NECAB2: variants seen among roughly 807,000 people sequenced by gnomAD.
NECAB2 encodes the protein N-terminal EF-hand calcium binding protein 2.
NECAB2 carries 68 observed loss-of-function variants against 51.9 expected under a neutral mutation model. That is an observed-to-expected ratio of 1.31 (90% CI 1.08 to 1.60). NECAB2 has a LOEUF of 1.60. Ranked by LOEUF, NECAB2 falls within the 40% of genes most tolerant of loss-of-function variation. The pLI, the probability that NECAB2 is intolerant of heterozygous loss-of-function variation, is 0.00. For missense variants in NECAB2, 854 were observed against 490.3 expected (o/e 1.74, Z -7.00); for synonymous variants, 329 against 203.5 (o/e 1.62, Z -5.25).
rs769400099 is a variant in NECAB2 at position 84,000,760 on chromosome 16, T to TGTCA, written c.1000_1003dup (p.Ile335SerfsTer4). The TGTCA allele has an allele frequency of 6.2e-7, 1 of 1,613,726 alleles. No homozygotes were observed. Among genetic ancestry groups the TGTCA allele is most frequent in the Non-Finnish European group, 8.5e-7 (1 of 1,179,984 alleles). Reference sequence around the variant, plus strand: ...TGAGGCTCTCAGATGGCTTCACCTTTGTCATCTATGAGTTCTGGGAGACAG... The same window carrying TGTCA: ...TGAGGCTCTCAGATGGCTTCACCTTTGTCAGTCATCTATGAGTTCTGGGAGACAG... On this transcript the variant is annotated frameshift_variant, in exon 11 of 13. Coordinates refer to ENST00000305202, the MANE Select transcript of NECAB2 (RefSeq NM_019065.3). LOFTEE classifies it high-confidence loss of function.
intron 2 of NECAB2, among the ~76,000 whole-genome samples, 198 bp from the exon 3 acceptor site, chr16:83,978,246 A>G (rs969519475): frequency 1.3e-5 from 2 of 152,138 alleles, no homozygotes; most frequent in South Asian, 4.1e-4. Flanking sequence ...TAGTGTGGGA[A>G]TTAGCTGGGT....
In NECAB2 at chr16:83,983,598, T is replaced by C. The variant is rs990604527; in HGVS notation, c.459+2471T>C. Among the ~76,000 whole-genome samples the C allele has an allele frequency of 3.9e-5, 6 of 152,234 alleles. No homozygotes were observed. The South Asian group carries it at 1.0e-3, about 26-fold the overall frequency. On this transcript the variant is annotated intron_variant, in intron 5 of 12. Coordinates refer to ENST00000305202, the MANE Select transcript of NECAB2 (RefSeq NM_019065.3). ...TTTTTAAATGATCATATGATTTTTTTCCCCTAAGCTATTGATGGGGTGGAT... is the reference window on the plus strand; with the variant it reads ...TTTTTAAATGATCATATGATTTTTTCCCCCTAAGCTATTGATGGGGTGGAT...
At chr16:83,990,459 C>T (rs770932573) in intron 5 of NECAB2, 35 bp from the exon 6 acceptor site, 1 of 1,610,444 alleles carries the variant, frequency 6.2e-7, no homozygotes, top group Admixed American at 1.7e-5. Context: ...CCTCCCACCC[C>T]TTTCCCCTCA....
chr16:83,997,179 T>C (rs2084716542), intron 8 of NECAB2, 37 bp from the exon 9 acceptor site: 2 of 1,613,650 alleles, frequency 1.2e-6, no homozygotes, highest in Admixed American at 1.7e-5. Context: ...GGAGTGGGGC[T>C]CTGGGTCTAG....
At position 83,978,331 on chromosome 16, in the gene NECAB2, G is replaced by T. The variant is rs564989137; in HGVS notation, c.227-113G>T. ...TGGGAGGGTAGGGATTATCTGAGCT[G>T]CAGTTGTTCTGTCAGTCAGGCCATT... On this transcript the variant is annotated intron_variant, in intron 2 of 12. Transcript: ENST00000305202. 37 of 761,454 alleles carry T rather than the reference G, an allele frequency of 4.9e-5. 1 individual carries two copies. In the African/African-American group the frequency reaches 6.0e-4, roughly 12 times the overall value. The allele number at this position is 761,454 out of a possible 1,614,324, so 47.2% of individuals were successfully genotyped here.
In NECAB2 at chr16:83,971,659, C is replaced by T. The variant is rs117512356; in HGVS notation, c.202-492C>T. ...ACCCCAAAATTAACGCAGTCCTGCCCGTGGCTGGCATTGTCACCAGGCCTT... is the reference window on the plus strand; with the variant it reads ...ACCCCAAAATTAACGCAGTCCTGCCTGTGGCTGGCATTGTCACCAGGCCTT... On this transcript the variant is annotated intron_variant, in intron 1 of 12. Transcript: ENST00000305202. 4.0e-4 allele frequency: 68 copies of T among 169,248 alleles called. 1 individual carries two copies. The East Asian group carries it at 0.011, about 26-fold the overall frequency. The allele number at this position is 169,248 out of a possible 1,614,324, so 10.5% of individuals were successfully genotyped here.
rs959523285 is a variant in NECAB2 at position 83,994,171 on chromosome 16, G to A, written c.597-131G>A. On this transcript the variant is annotated intron_variant, in intron 6 of 12. Coordinates refer to ENST00000305202, the MANE Select transcript of NECAB2 (RefSeq NM_019065.3). ...TCATTTCCTCCTCTGTCAAAACAAA[G>A]GCCATGATGCAAGTTCTGTGCATGT... The A allele has an allele frequency of 5.0e-6, 4 of 805,346 alleles. No homozygotes were observed. The Admixed American group carries it at 7.2e-5, about 14-fold the overall frequency. The allele number at this position is 805,346 out of a possible 1,614,324, so 49.9% of individuals were successfully genotyped here. A position where few individuals can be genotyped will look rare whatever the true frequency, so the allele number is the denominator to read the frequency against.
At chr16:83,978,727 A>G (rs976107696) in intron 3 of NECAB2, among the ~76,000 whole-genome samples, 175 bp downstream of exon 3, 1 of 152,094 alleles carries the variant, frequency 6.6e-6, no homozygotes, top group Middle Eastern at 3.4e-3. Context: ...GCGTGTGCAG[A>G]TTCATATTGC....
rs2084313549 is a variant in NECAB2, at chr16:83,968,575, G to A, written c.-74G>A. 8 of 961,262 alleles carry A rather than the reference G, an allele frequency of 8.3e-6. No individual in the cohort carries two copies. The highest frequency in any genetic ancestry group is 9.9e-6 in the Non-Finnish European group (8 of 810,912). 59.5% of individuals were successfully genotyped at this position (961,262 alleles called of 1,614,324 possible). A position where few individuals can be genotyped will look rare whatever the true frequency, so the allele number is the denominator to read the frequency against. On this transcript the variant is annotated 5_prime_UTR_variant, in exon 1 of 13. Transcript: ENST00000305202. ...GGGGCGGCGCGGGCAGCGCGGGGAG[G>A]GGGTCGCGCGGGGGCGGGCCGCAGC...
At chr16:83,989,877 G>T (rs1364131239) in intron 5 of NECAB2, among the ~76,000 whole-genome samples, 6 of 152,130 alleles carry the variant, frequency 3.9e-5, no homozygotes, top group African/African-American at 1.4e-4. Flanking sequence ...TTTCCCCCCA[G>T]GCTCCTCTCT....
At chr16:83,966,096 C>A, upstream of NECAB2, 1 of 1,118,090 alleles carries the variant, frequency 8.9e-7, no homozygotes, top group South Asian at 1.6e-5. Flanking sequence ...AAAGATGCCC[C>A]GGGGAGGGGT....
rs1384499123 is a variant in NECAB2 at position 84,002,619 on chromosome 16, C to T, written c.*273C>T. ...CCCTGCCTCCTGGTCCTGGCCTCTCCCCTACCCCTCACATGGCCACGCATG... is the reference window on the plus strand; with the variant it reads ...CCCTGCCTCCTGGTCCTGGCCTCTCTCCTACCCCTCACATGGCCACGCATG... On this transcript the variant is annotated 3_prime_UTR_variant, in exon 13 of 13. Coordinates refer to ENST00000305202, the MANE Select transcript of NECAB2 (RefSeq NM_019065.3). 7.0e-6 allele frequency: 4 copies of T among 568,592 alleles called. No individual in the cohort carries two copies. Among genetic ancestry groups the T allele is most frequent in the Non-Finnish European group, 1.3e-5 (4 of 318,292 alleles). 35.2% of individuals were successfully genotyped at this position (568,592 alleles called of 1,614,324 possible).
chr16:83,996,299 C>T (rs564048554), intron 8 of NECAB2, among the ~76,000 whole-genome samples: 6 of 152,336 alleles, frequency 3.9e-5, no homozygotes, highest in South Asian at 2.1e-4. Flanking sequence ...CTTACCAAGG[C>T]GTGTTCATGC....
intron 9 of NECAB2, among the ~76,000 whole-genome samples, 194 bp downstream of exon 9, chr16:83,997,463 T>C (rs1011027232): frequency 1.7e-4 from 25 of 147,186 alleles, no homozygotes; most frequent in African/African-American, 5.7e-4. Context: ...GGGGTATTTC[T>C]TGAGGCTCCC....
At chr16:83,990,664 G>T (rs771727718) in intron 6 of NECAB2, 34 bp downstream of exon 6, 3 of 1,610,700 alleles carry the variant, frequency 1.9e-6, no homozygotes, top group Non-Finnish European at 2.5e-6. Flanking sequence ...GTCCCATGGG[G>T]GTATGCCGTG....
At chr16:83,967,028 C>T (rs956248892), upstream of NECAB2, among the ~76,000 whole-genome samples, 5 of 152,126 alleles carry the variant, frequency 3.3e-5, no homozygotes, top group Non-Finnish European at 5.9e-5. Context: ...ACTGCCACCT[C>T]GCCCAGCTAG....
rs558124155 is a variant in NECAB2, at chr16:83,987,579, A to G, written c.460-2915A>G. Reference sequence around the variant, plus strand: ...TTCTTAAATTTATAATCTGTGTTCAAAAATCTATTTCCTGCTCTTTTACCT... The same window carrying G: ...TTCTTAAATTTATAATCTGTGTTCAGAAATCTATTTCCTGCTCTTTTACCT... On this transcript the variant is annotated intron_variant, in intron 5 of 12. Coordinates refer to ENST00000305202, the MANE Select transcript of NECAB2 (RefSeq NM_019065.3). Among the ~76,000 whole-genome samples the G allele has an allele frequency of 7.9e-5, 12 of 151,918 alleles. No homozygotes were observed. The East Asian group carries it at 2.3e-3, about 29-fold the overall frequency.
Position 84,002,536 on chromosome 16 carries a change from T to C in NECAB2, c.*190T>C, listed in dbSNP as rs2084859415. The C allele has an allele frequency of 8.4e-6, 6 of 716,360 alleles. No individual in the cohort carries two copies. The highest frequency in any genetic ancestry group is 2.7e-5 in the East Asian group (1 of 36,698). 44.4% of individuals were successfully genotyped at this position (716,360 alleles called of 1,614,324 possible). A position where few individuals can be genotyped will look rare whatever the true frequency, so the allele number is the denominator to read the frequency against. ...ACCTGAGAAGGCAGAGCAGTGTCTGTGCTGCCAGGTCCTGGTGAAGCCCAA... is the reference window on the plus strand; with the variant it reads ...ACCTGAGAAGGCAGAGCAGTGTCTGCGCTGCCAGGTCCTGGTGAAGCCCAA... On this transcript the variant is annotated 3_prime_UTR_variant, in exon 13 of 13. Coordinates refer to ENST00000305202, the MANE Select transcript of NECAB2 (RefSeq NM_019065.3).
At chr16:84,000,500 G>A (rs73248880) in intron 10 of NECAB2, among the ~76,000 whole-genome samples, 5,902 of 152,264 alleles carry the variant, frequency 0.039, 357 homozygotes, top group African/African-American at 0.13. Context: ...AAACTACACT[G>A]CATTGATTCT....
Sources: allele counts gnomAD v4.1 joint callset (sites outside exome capture counted in the v4.1 genomes callset), GRCh38; gene constraint gnomAD v4.1.1; transcripts MANE v1.5; gene names NCBI Gene and HGNC (gene_info 2026-07-23, HGNC 2026-07-21).